DDX54: variants seen among roughly 807,000 people sequenced by gnomAD.
DDX54 encodes DEAD-box helicase 54.
A neutral mutation model predicts 105.5 loss-of-function variants in DDX54; 67 were observed. The ratio of observed to expected loss-of-function variants is 0.64; its 90% CI spans 0.52 to 0.78. The LOEUF (loss-of-function observed/expected upper bound fraction) is 0.78, where lower values mean the gene tolerates loss of function less well. DDX54 is among the 30% of genes least tolerant of loss of function. The pLI is 0.00. For missense variants in DDX54, 1,206 were observed against 1,230.5 expected (o/e 0.98, Z 0.30); for synonymous variants, 514 against 509.9 (o/e 1.01, Z -0.11).
intron 7 of DDX54, among the ~76,000 whole-genome samples, chr12:113,176,341 G>A (rs1952403185): frequency 1.3e-5 from 2 of 152,176 alleles, no homozygotes. Context: ...GCCGAGGCGG[G>A]TGGATCACCT....
chr12:113,175,706 G>A (rs1020252823), intron 7 of DDX54, among the ~76,000 whole-genome samples: 40 of 151,828 alleles, frequency 2.6e-4, no homozygotes, highest in African/African-American at 9.2e-4. Flanking sequence ...AGAGAATGGC[G>A]TGAACCCAGG....
intron 11 of DDX54, among the ~76,000 whole-genome samples, chr12:113,171,335 C>T (rs1278364888): frequency 6.6e-6 from 1 of 152,154 alleles, no homozygotes; most frequent in Non-Finnish European, 1.5e-5. Context: ...AGCATGGTGG[C>T]TCACGCCTGT....
Position 113,174,596 on chromosome 12 carries a change from C to A in DDX54, c.1068+44G>T, listed in dbSNP as rs765811977. 3.8e-6 allele frequency: 6 copies of A among 1,596,124 alleles called. No homozygotes were observed. The Admixed American group carries it at 1.0e-4, about 27-fold the overall frequency. ...CTGCACAGGGAACTGCAGCTCCAAA[C>A]TCCAGCTGAAGGAGGTGCTCCTCCC... On this transcript the variant is annotated intron_variant, in intron 10 of 19. Coordinates refer to ENST00000306014, the MANE Select transcript of DDX54 (RefSeq NM_024072.4).
chr12:113,162,216 G>A, intron 17 of DDX54, among the ~76,000 whole-genome samples: 1 of 152,092 alleles, frequency 6.6e-6, no homozygotes, highest in South Asian at 2.1e-4. Context: ...AAGGGAGTGC[G>A]GAGGTCAGAG....
In DDX54 at chr12:113,157,643, C is replaced by T; in HGVS notation, c.*1234G>A. 6.4e-7 allele frequency: 1 copy of T among 1,551,664 alleles called. No individual in the cohort carries two copies. The highest frequency in any genetic ancestry group is 8.7e-7 in the Non-Finnish European group (1 of 1,146,998). The stretch of plus-strand genomic sequence containing the variant: ...AGGACCTCTCTGCCATGCTGGCCGG[C>T]CTGGGTCAGGCTGAGCCTGCAGCCC... On this transcript the variant is annotated 3_prime_UTR_variant, in exon 20 of 20. Transcript: ENST00000306014.
intron 12 of DDX54, among the ~76,000 whole-genome samples, 173 bp downstream of exon 12, chr12:113,169,597 G>A (rs1014026345): frequency 1.3e-5 from 2 of 152,000 alleles, no homozygotes; most frequent in African/African-American, 2.4e-5. Context: ...CCCCAGCCTG[G>A]GCAACAGAGC....
At position 113,166,002 on chromosome 12, in the gene DDX54, C is replaced by A. The variant is rs549409906; in HGVS notation, c.1445G>T (p.Arg482Leu). 1 of 1,610,124 alleles carries A rather than the reference C, an allele frequency of 6.2e-7. No individual in the cohort carries two copies. Among genetic ancestry groups the A allele is most frequent in the African/African-American group, 1.3e-5 (1 of 74,936 alleles). Residue 482 changes from arginine (R) to leucine (L), a missense_variant, in exon 13 of 20, where the codon CGG becomes CTG. Arg to Leu is a moderately radical substitution (Grantham distance 102). Around this residue, in one of 3 missense-constraint regions of DDX54, gnomAD observed 961 missense variants for 1,019.1 expected, o/e 0.94. Coordinates refer to ENST00000306014, the MANE Select transcript of DDX54 (RefSeq NM_024072.4). ...GVAGVDGMLG[R>L]VPQSVVDEED... ...CTCGTCCACCACACTCTGTGGCACC[C>A]GACCCAGCATGCCATCCACACCGGC...
In DDX54 at chr12:113,158,854, GC is replaced by G. The variant is rs1952167810; in HGVS notation, c.*22del. 6.4e-7 allele frequency: 1 copy of G among 1,569,068 alleles called. No individual in the cohort carries two copies. The highest frequency in any genetic ancestry group is 8.7e-7 in the Non-Finnish European group (1 of 1,151,944). ...TGCCCACCCTAAGGCCAATCAAGGA[GC>G]CACGGGGCTGGGTCCTGGTCCTCAC... On this transcript the variant is annotated 3_prime_UTR_variant, in exon 20 of 20. Coordinates refer to ENST00000306014, the MANE Select transcript of DDX54 (RefSeq NM_024072.4). The surrounding 1 kb of genome is among the most constrained non-coding windows in gnomAD (Gnocchi z 4.9).
rs767930663 is a variant in DDX54, at chr12:113,176,915, C to T, written c.677G>A (p.Arg226Gln). 5 of 1,614,204 alleles carry T rather than the reference C, an allele frequency of 3.1e-6. No individual in the cohort carries two copies. Among genetic ancestry groups the T allele is most frequent in the Middle Eastern group, 1.6e-4 (1 of 6,062 alleles). Residue 226 changes from arginine to glutamine, a missense_variant, in exon 7 of 20, where the codon CGG becomes CAG. By Grantham distance (43) the Arg-to-Gln change is conservative. Around this residue, in one of 3 missense-constraint regions of DDX54, gnomAD observed 961 missense variants for 1,019.1 expected, o/e 0.94. Coordinates refer to ENST00000306014, the MANE Select transcript of DDX54 (RefSeq NM_024072.4). ...CATTTCCACAGCCACATGCACCAAC[C>T]GTCCGGGCGTGGCAATAATTCTGGA... ...NPDIIIATPG[R>Q]LVHVAVEMSL...
chr12:113,175,293 T>C (rs1013291439), intron 7 of DDX54, 136 bp from the exon 8 acceptor site: 5 of 1,197,068 alleles, frequency 4.2e-6, no homozygotes, highest in Admixed American at 2.9e-5. Context: ...CTCACACTTA[T>C]CACGTGACTT....
intron 19 of DDX54, among the ~76,000 whole-genome samples, chr12:113,159,643 GAA>G (rs1321584470): frequency 6.6e-6 from 1 of 152,030 alleles, no homozygotes; most frequent in Non-Finnish European, 1.5e-5. Context: ...CTTGTTAGAT[GAA>G]AAAAGAGTGT....
chr12:113,184,616 G>A (rs191567760), intron 1 of DDX54, among the ~76,000 whole-genome samples: 1 of 152,114 alleles, frequency 6.6e-6, no homozygotes, highest in East Asian at 2.0e-4. Flanking sequence ...CTTGAGGCCA[G>A]AAGTTCGAGA....
rs1351279928 is a variant in DDX54, at chr12:113,177,032, T to A, written c.656+20A>T. The A allele has an allele frequency of 3.1e-6, 5 of 1,613,928 alleles. No homozygotes were observed. Among genetic ancestry groups the A allele is most frequent in the Non-Finnish European group, 4.2e-6 (5 of 1,179,988 alleles). On this transcript the variant is annotated intron_variant, in intron 6 of 19. Coordinates refer to ENST00000306014, the MANE Select transcript of DDX54 (RefSeq NM_024072.4). ...ACTAGGAAGGGATCTCAGGGAGTCA[T>A]CCCCAATCCACAAACTCACATGTCG... is the stretch of plus-strand genomic sequence containing the variant.
Position 113,163,020 on chromosome 12 carries a change from C to A in DDX54, c.2107G>T (p.Ala703Ser). 1 of 1,609,662 alleles carries A rather than the reference C, an allele frequency of 6.2e-7. No individual in the cohort carries two copies. ...RGLSISGEGG[A>S]FEQQAAGAVL... ...GCGCCAGCTGCCTGCTGCTCAAAGG[C>A]TCCCCCTTCCCCGCTGATGCTCAGG... Residue 703 changes from alanine (A) to serine (S), a missense_variant, in exon 17 of 20, where the codon GCC (alanine) becomes TCC (serine). By Grantham distance (99) the Ala-to-Ser change is moderately conservative (BLOSUM62 1). Around this residue, in one of 3 missense-constraint regions of DDX54, gnomAD observed 961 missense variants for 1,019.1 expected, o/e 0.94. Coordinates refer to ENST00000306014, the MANE Select transcript of DDX54 (RefSeq NM_024072.4). This position sits in a 1 kb window ranked among gnomAD's most constrained non-coding sequence, Gnocchi z 5.9.
intron 19 of DDX54, among the ~76,000 whole-genome samples, chr12:113,160,057 G>A (rs143657972): frequency 3.3e-5 from 5 of 152,156 alleles, no homozygotes; most frequent in African/African-American, 1.2e-4. Context: ...GCCCCTGCAC[G>A]CCCACTGCAC....
rs764670403 is a variant in DDX54, at chr12:113,172,438, G to A, written c.1194C>T (p.Ala398=). 6.2e-6 allele frequency: 10 copies of A among 1,614,250 alleles called. No homozygotes were observed. Among genetic ancestry groups the A allele is most frequent in the East Asian group, 2.2e-5 (1 of 44,892 alleles). Residue 398 remains alanine (A), a synonymous_variant, in exon 11 of 20, where the codon GCC becomes GCT. Transcript: ENST00000306014. ...KCSTLIVTDL[A]ARGLDIPLLD... is the part of the protein sequence containing the mutation. ...GCAGCGGGATGTCCAGGCCTCGGGC[G>A]GCCAGGTCAGTCACAATGAGAGTGG...
rs1179793263 is a variant in DDX54 at position 113,174,954 on chromosome 12, G to A, written c.875-18C>T. 6.2e-7 allele frequency: 1 copy of A among 1,612,548 alleles called. No homozygotes were observed. On this transcript the variant is annotated intron_variant, in intron 8 of 19. Transcript: ENST00000306014. Reference sequence around the variant, plus strand: ...CGTGAGGCCTGCAGGAGACATGGGGGAAAGTGGGGGAGTCGCAGAGGGACT... The same window carrying A: ...CGTGAGGCCTGCAGGAGACATGGGGAAAAGTGGGGGAGTCGCAGAGGGACT...
chr12:113,159,814 C>T (rs1011222591), intron 19 of DDX54, among the ~76,000 whole-genome samples: 44 of 152,178 alleles, frequency 2.9e-4, no homozygotes, highest in Admixed American at 5.9e-4. Context: ...TCTAGTTCTC[C>T]GGGAGGCAAG....
intron 12 of DDX54, among the ~76,000 whole-genome samples, chr12:113,167,027 A>G (rs748570446): frequency 5.9e-5 from 9 of 152,128 alleles, no homozygotes; most frequent in Non-Finnish European, 8.8e-5. Context: ...CACCAAACCT[A>G]TGAGGAAAGT....
Sources: gnomAD v4.1 joint callset for allele counts (sites outside exome capture counted in the v4.1 genomes callset) on GRCh38, gnomAD v4.1.1 for gene constraint, gnomAD v4.1.1 regional missense constraint, Gnocchi (gnomAD v3.1) non-coding constraint, MANE v1.5 for transcripts, NCBI Gene and HGNC (gene_info 2026-07-23, HGNC 2026-07-21) for gene names.